USP15: variants seen among roughly 807,000 people sequenced by gnomAD.
USP15 encodes ubiquitin carboxyl-terminal hydrolase 15.
Under a neutral mutation model 127.1 loss-of-function variants are expected in USP15, and 18 were observed. That is an observed-to-expected ratio of 0.14 (90% CI 0.10 to 0.21). The LOEUF (loss-of-function observed/expected upper bound fraction) is 0.21, where lower values mean the gene tolerates loss of function less well. USP15 is among the 10% of genes least tolerant of loss of function. The pLI is 1.00. For missense variants in USP15, 805 were observed against 1,159.9 expected (o/e 0.69, Z 4.44); for synonymous variants, 364 against 393.7 (o/e 0.92, Z 0.89).
At chr12:62,373,583 T>G (rs1304178733) in intron 8 of USP15, among the ~76,000 whole-genome samples, 1 of 152,010 alleles carries the variant, frequency 6.6e-6, no homozygotes, top group East Asian at 1.9e-4. Context: ...TATTTAACAT[T>G]TTAATATTTT....
chr12:62,319,071 C>CT (rs1217861704), intron 4 of USP15, among the ~76,000 whole-genome samples: 1 of 152,154 alleles, frequency 6.6e-6, no homozygotes. Flanking sequence ...GTTTAATTGA[C>CT]TTACAGTTCC....
At chr12:62,398,181 T>C (rs899135728) in intron 20 of USP15, among the ~76,000 whole-genome samples, 14 of 151,714 alleles carry the variant, frequency 9.2e-5, no homozygotes, top group African/African-American at 3.1e-4. Context: ...TTAGTAGCAG[T>C]GGGGTTTCAC....
intron 1 of USP15, among the ~76,000 whole-genome samples, chr12:62,290,699 C>T (rs1214685831): frequency 6.6e-6 from 1 of 152,172 alleles, no homozygotes; most frequent in African/African-American, 2.4e-5. Flanking sequence ...AATTATTTTA[C>T]AAGACCTGTG....
chr12:62,291,701 A>T (rs946969043), intron 1 of USP15, among the ~76,000 whole-genome samples: 1 of 152,170 alleles, frequency 6.6e-6, no homozygotes. Flanking sequence ...ACTGTAATGT[A>T]TGTTGAATAT....
intron 1 of USP15, among the ~76,000 whole-genome samples, chr12:62,277,168 A>G (rs562720331): frequency 2.1e-4 from 32 of 152,250 alleles, no homozygotes; most frequent in African/African-American, 7.5e-4. Flanking sequence ...CCACTTGATA[A>G]TAACTCACAA....
At chr12:62,362,156 T>C (rs1373914978) in intron 8 of USP15, among the ~76,000 whole-genome samples, 1 of 152,090 alleles carries the variant, frequency 6.6e-6, no homozygotes, top group African/African-American at 2.4e-5. Context: ...TATTATGAGT[T>C]GTTATTCAGT....
chr12:62,337,705 C>T (rs2065514218), intron 6 of USP15, among the ~76,000 whole-genome samples: 1 of 149,850 alleles, frequency 6.7e-6, no homozygotes, highest in African/African-American at 2.5e-5. Flanking sequence ...TTGTTCAACT[C>T]CCACTTATGA....
At chr12:62,367,315 T>G (rs1052614450) in intron 8 of USP15, among the ~76,000 whole-genome samples, 6 of 152,002 alleles carry the variant, frequency 3.9e-5, no homozygotes, top group African/African-American at 1.4e-4. Flanking sequence ...CACTGCAAGC[T>G]CTGCCTCCCA....
chr12:62,391,464 C>G (rs1055340751), intron 16 of USP15, 35 bp downstream of exon 16: 3 of 1,574,470 alleles, frequency 1.9e-6, no homozygotes, highest in South Asian at 2.4e-5. Context: ...GAACATTAAA[C>G]AAGCCGAGCA....
At position 62,390,885 on chromosome 12, in the gene USP15, TGAAACTGAA is replaced by T. The variant is rs1164572672; in HGVS notation, c.1877_1885del (p.Glu626_Glu628del). 1 of 1,611,656 alleles carries T rather than the reference TGAAACTGAA, an allele frequency of 6.2e-7. No homozygotes were observed. The highest frequency in any genetic ancestry group is 2.2e-5 in the East Asian group (1 of 44,694). ...TAAGCCGATATGTCAAAATATCTAC[TGAAACTGAA>T]GAAACTGAAGGATCCCTACACTGCT... On this transcript the variant is annotated inframe_deletion, in exon 15 of 22. Coordinates refer to ENST00000280377, the MANE Select transcript of USP15 (RefSeq NM_001252078.2).
chr12:62,396,738 G>A (rs2067503200), intron 20 of USP15, among the ~76,000 whole-genome samples: 1 of 151,824 alleles, frequency 6.6e-6, no homozygotes, highest in African/African-American at 2.4e-5. Context: ...TATATAATTG[G>A]TACTGTGCTG....
intron 8 of USP15, among the ~76,000 whole-genome samples, chr12:62,365,190 C>T (rs2066437626): frequency 6.6e-6 from 1 of 152,168 alleles, no homozygotes; most frequent in African/African-American, 2.4e-5. Flanking sequence ...TAAAAGCATT[C>T]CTATTTCTCC....
intron 5 of USP15, among the ~76,000 whole-genome samples, chr12:62,324,338 A>G (rs1200041754): frequency 6.6e-6 from 1 of 152,032 alleles, no homozygotes; most frequent in Admixed American, 6.6e-5. Context: ...TAATTATATT[A>G]AATGCATAAC....
rs1207890610 is a variant in USP15 at position 62,321,568 on chromosome 12, C to G, written c.580C>G (p.Pro194Ala). 3 of 1,605,640 alleles carry G rather than the reference C, an allele frequency of 1.9e-6. No individual in the cohort carries two copies. Among genetic ancestry groups the G allele is most frequent in the Non-Finnish European group, 1.7e-6 (2 of 1,175,964 alleles). ...TAACACATTTGAACCACTGAATAAA[C>G]CAGACAGCACCATTCAGGATGCTGG... Reference protein sequence around the residue: ...MSNTFEPLNKPDSTIQDAGLY... With the variant: ...MSNTFEPLNKADSTIQDAGLY... The change falls in exon 5 of 22, where the codon CCA (proline) becomes GCA (alanine). Residue 194 changes from proline (P) to alanine (A), a missense_variant. Physicochemically the swap from Pro to Ala is conservative, Grantham distance 27 (BLOSUM62 -1). Transcript: ENST00000280377.
At chr12:62,286,532 A>T (rs950706339) in intron 1 of USP15, among the ~76,000 whole-genome samples, 1 of 152,202 alleles carries the variant, frequency 6.6e-6, no homozygotes, top group Non-Finnish European at 1.5e-5. Context: ...CTAGAAAATA[A>T]ATCATTCTAC....
At chr12:62,334,494 C>T (rs1481014797) in intron 6 of USP15, among the ~76,000 whole-genome samples, 2 of 152,134 alleles carry the variant, frequency 1.3e-5, no homozygotes, top group East Asian at 3.8e-4. Flanking sequence ...ACCTAACACC[C>T]TACCTGGCAT....
At chr12:62,329,957 A>C (rs1164621467) in intron 6 of USP15, among the ~76,000 whole-genome samples, 1 of 152,198 alleles carries the variant, frequency 6.6e-6, no homozygotes, top group Non-Finnish European at 1.5e-5. Flanking sequence ...TTGTAGCTGC[A>C]TAGTTTGTAG....
At chr12:62,271,338 A>G (rs1308111405) in intron 1 of USP15, among the ~76,000 whole-genome samples, 1 of 152,060 alleles carries the variant, frequency 6.6e-6, no homozygotes, top group African/African-American at 2.4e-5. Context: ...GATAAATGCT[A>G]AATCAGAGTA....
chr12:62,414,187 C>T lies in USP15; in HGVS notation c.*9812C>T, dbSNP rs976677382. 6.6e-6 allele frequency: 1 copy of T among 152,182 alleles called. No individual in the cohort carries two copies. The highest frequency in any genetic ancestry group is 2.4e-5 in the African/African-American group (1 of 41,450). 9.4% of individuals were successfully genotyped at this position (152,182 alleles called of 1,614,324 possible). ...AAATGTGAGAAGTACCAAGATATGA[C>T]ACACACACAGTAAGCACATTCTGTT... On this transcript the variant is annotated 3_prime_UTR_variant, in exon 22 of 22. Transcript: ENST00000280377.
Sources: allele counts gnomAD v4.1 joint callset (sites outside exome capture counted in the v4.1 genomes callset), GRCh38; gene constraint gnomAD v4.1.1; transcripts MANE v1.5; gene names NCBI Gene and HGNC (gene_info 2026-07-23, HGNC 2026-07-21).